RAPGEF1: variants seen among roughly 807,000 people sequenced by gnomAD.
RAPGEF1 encodes the protein CRK SH3-binding GNRP.
In RAPGEF1, 33 loss-of-function variants were observed where a neutral mutation model predicts 143.3. The observed-to-expected ratio is 0.23, with a 90% CI of 0.17 to 0.31. RAPGEF1 has a LOEUF of 0.31. Ranked by LOEUF, RAPGEF1 falls within the 10% of genes least tolerant of loss-of-function variation. The pLI, the probability that RAPGEF1 is intolerant of heterozygous loss-of-function variation, is 1.00. For missense variants in RAPGEF1, 1,199 were observed against 1,645.4 expected (o/e 0.73, Z 4.69); for synonymous variants, 629 against 676.5 (o/e 0.93, Z 1.09).
intron 1 of RAPGEF1, among the ~76,000 whole-genome samples, chr9:131,715,653 C>T (rs1307686694): frequency 1.3e-5 from 2 of 152,130 alleles, no homozygotes; most frequent in Admixed American, 1.3e-4. Flanking sequence ...ATCACAAGGT[C>T]AGGAGATAGA....
At chr9:131,656,269 C>T (rs528287016) in intron 1 of RAPGEF1, among the ~76,000 whole-genome samples, 1 of 152,326 alleles carries the variant, frequency 6.6e-6, no homozygotes, top group African/African-American at 2.4e-5. Flanking sequence ...TCCTTTGGCA[C>T]TGAACCAGAA....
chr9:131,634,702 A>G (rs1175552965), intron 5 of RAPGEF1, among the ~76,000 whole-genome samples: 35 of 125,632 alleles, frequency 2.8e-4, no homozygotes, highest in African/African-American at 1.0e-3. Context: ...AACAAGAGTG[A>G]GACTCCGTCT....
At chr9:131,638,468 C>T (rs1357190771) in intron 5 of RAPGEF1, among the ~76,000 whole-genome samples, 167 bp downstream of exon 5, 2 of 152,198 alleles carry the variant, frequency 1.3e-5, no homozygotes, top group African/African-American at 4.8e-5. Flanking sequence ...GCCATTCGCA[C>T]CAGTCCTGAG....
At chr9:131,610,414 C>A (rs11788408) in intron 12 of RAPGEF1, among the ~76,000 whole-genome samples, 1 of 152,106 alleles carries the variant, frequency 6.6e-6, no homozygotes, top group African/African-American at 2.4e-5. Flanking sequence ...CCAGTTACAG[C>A]GAAATGTGGT....
At chr9:131,687,491 G>A (rs539455359) in intron 1 of RAPGEF1, among the ~76,000 whole-genome samples, 3 of 152,182 alleles carry the variant, frequency 2.0e-5, no homozygotes, top group East Asian at 1.9e-4. Flanking sequence ...CATCGCACCC[G>A]GCCTTGCATA....
At chr9:131,608,078 G>A (rs1957397388) in intron 12 of RAPGEF1, among the ~76,000 whole-genome samples, 1 of 152,202 alleles carries the variant, frequency 6.6e-6, no homozygotes, top group Non-Finnish European at 1.5e-5. Context: ...GTGTGCCCTA[G>A]TACAAGTGAC....
rs748196374 is a variant in RAPGEF1 at position 131,583,706 on chromosome 9, G to C, written c.3414+605C>G. On this transcript the variant is annotated intron_variant, in intron 24 of 26. Coordinates refer to ENST00000683357, the MANE Select transcript of RAPGEF1 (RefSeq NM_001377935.1). The surrounding 1 kb of genome is among the most constrained non-coding windows in gnomAD (Gnocchi z 4.7). ...AGGCTCCTGAGGCTCTCATGACCTAGAACTGGTCCCCTTCTCCCGGGATGT... is the reference window on the plus strand; with the variant it reads ...AGGCTCCTGAGGCTCTCATGACCTACAACTGGTCCCCTTCTCCCGGGATGT... Among the ~76,000 whole-genome samples, 2 of 152,218 alleles carry C rather than the reference G, an allele frequency of 1.3e-5. No individual in the cohort carries two copies. Among genetic ancestry groups the C allele is most frequent in the Non-Finnish European group, 2.9e-5 (2 of 68,032 alleles).
chr9:131,734,695 T>G (rs1837304952), intron 1 of RAPGEF1, among the ~76,000 whole-genome samples: 1 of 152,234 alleles, frequency 6.6e-6, no homozygotes, highest in Admixed American at 6.5e-5. Flanking sequence ...GAGGACCTCT[T>G]TCTCAGGCCA....
chr9:131,687,291 A>G (rs1833428644), intron 1 of RAPGEF1, among the ~76,000 whole-genome samples: 1 of 152,180 alleles, frequency 6.6e-6, no homozygotes, highest in South Asian at 2.1e-4. Flanking sequence ...TCCAGGTTCA[A>G]GCAAATCTCC....
intron 15 of RAPGEF1, 181 bp from the exon 16 acceptor site, chr9:131,598,491 A>G (rs779200100): frequency 1.1e-5 from 8 of 699,098 alleles, no homozygotes; most frequent in Non-Finnish European, 1.8e-5. Context: ...GTGTGGCCAT[A>G]GGACAGTCGC....
At chr9:131,684,046 C>T (rs981048938) in intron 1 of RAPGEF1, among the ~76,000 whole-genome samples, 2 of 152,346 alleles carry the variant, frequency 1.3e-5, no homozygotes, top group Admixed American at 6.5e-5. Context: ...CACAATTTAA[C>T]CCATGTTAGT....
At chr9:131,647,178 T>C (rs567961291) in intron 3 of RAPGEF1, among the ~76,000 whole-genome samples, 13 of 152,330 alleles carry the variant, frequency 8.5e-5, no homozygotes, top group Admixed American at 3.9e-4. Context: ...TTCATCACAA[T>C]GTACTTTGAA....
chr9:131,724,086 G>A (rs1836462652), intron 1 of RAPGEF1, among the ~76,000 whole-genome samples: 1 of 152,172 alleles, frequency 6.6e-6, no homozygotes, highest in African/African-American at 2.4e-5. Context: ...AAAAACACAG[G>A]TTTCATAAAA....
chr9:131,636,932 G>A (rs1267100105), intron 5 of RAPGEF1, among the ~76,000 whole-genome samples: 1 of 152,098 alleles, frequency 6.6e-6, no homozygotes, highest in Non-Finnish European at 1.5e-5. Context: ...TGGAATGAAG[G>A]GAACATGGGG....
intron 1 of RAPGEF1, among the ~76,000 whole-genome samples, chr9:131,724,164 G>A (rs573669065): frequency 6.6e-4 from 101 of 152,300 alleles, no homozygotes; most frequent in African/African-American, 2.4e-3. Context: ...CCTCACTCAG[G>A]TAACTCATCG....
intron 1 of RAPGEF1, among the ~76,000 whole-genome samples, chr9:131,695,019 G>A (rs1834054339): frequency 1.5e-5 from 2 of 135,832 alleles, no homozygotes; most frequent in South Asian, 4.5e-4. Context: ...CATTGTTCAC[G>A]CACTTTCTTT....
At chr9:131,587,648 A>T (rs980159080) in intron 22 of RAPGEF1, 88 bp downstream of exon 22, 10 of 1,237,572 alleles carry the variant, frequency 8.1e-6, no homozygotes, top group Non-Finnish European at 1.0e-5. Flanking sequence ...TTCTCCTACC[A>T]TTCAAGCTCC....
intron 1 of RAPGEF1, among the ~76,000 whole-genome samples, chr9:131,673,780 T>C (rs548468231): frequency 6.6e-6 from 1 of 152,296 alleles, no homozygotes; most frequent in South Asian, 2.1e-4. Context: ...GAGCCACCAG[T>C]GACCGTGAAG....
chr9:131,623,800 C>T (rs1376582272), intron 10 of RAPGEF1, among the ~76,000 whole-genome samples: 1 of 152,240 alleles, frequency 6.6e-6, no homozygotes, highest in Admixed American at 6.5e-5. Flanking sequence ...GTCAGTGCAT[C>T]CCAAATGATG....
Sources: allele counts gnomAD v4.1 joint callset (sites outside exome capture counted in the v4.1 genomes callset), GRCh38; gene constraint gnomAD v4.1.1; non-coding constraint Gnocchi (gnomAD v3.1); transcripts MANE v1.5; gene names NCBI Gene and HGNC (gene_info 2026-07-23, HGNC 2026-07-21).